The following SREBF2 variants were observed in gnomAD, a reference collection of about 807,000 sequenced individuals.
SREBF2 encodes sterol regulatory element binding transcription factor 2.
In SREBF2, 55 loss-of-function variants were observed where a neutral mutation model predicts 113.1. The observed-to-expected ratio is 0.49, with a 90% CI of 0.39 to 0.61. The LOEUF is 0.61. Ranked by LOEUF, SREBF2 falls within the 20% of genes least tolerant of loss-of-function variation. The probability of loss-of-function intolerance (pLI) is 0.00; values close to 1 mark genes in which losing one functional copy is unlikely to be tolerated. For missense variants in SREBF2, 1,349 were observed against 1,487.4 expected (o/e 0.91, Z 1.53); for synonymous variants, 593 against 605.7 (o/e 0.98, Z 0.31).
chr22:41,856,150 A>G (rs1251695290), intron 1 of SREBF2, among the ~76,000 whole-genome samples: 3 of 151,672 alleles, frequency 2.0e-5, no homozygotes, highest in African/African-American at 4.8e-5. Flanking sequence ...TTCTTGAGAC[A>G]TGGTCTTGGT....
chr22:41,893,268 G>A lies in SREBF2; in HGVS notation c.2360G>A (p.Cys787Tyr), dbSNP rs201758896. ...VKSAAKESLY[C>Y]AQRNPADPIA... ...TCAGCTGCCAAGGAGAGTCTATACT[G>A]TGCCCAGAGGAACCCAGGTGAGAAT... Residue 787 changes from cysteine (C) to tyrosine (Y), a missense_variant, in exon 12 of 19, where the codon TGT becomes TAT. Around this residue, in one of 2 missense-constraint regions of SREBF2, gnomAD observed 650 missense variants for 644.1 expected, o/e 1.01. Coordinates refer to ENST00000361204, the MANE Select transcript of SREBF2 (RefSeq NM_004599.4). 5.0e-6 allele frequency: 8 copies of A among 1,614,078 alleles called. No individual in the cohort carries two copies. The highest frequency in any genetic ancestry group is 1.7e-5 in the Admixed American group (1 of 60,006).
chr22:41,872,881 A>C lies in SREBF2; in HGVS notation c.868-917A>C, dbSNP rs557611983. Among the ~76,000 whole-genome samples the C allele has an allele frequency of 1.2e-3, 179 of 149,472 alleles. 1 individual carries two copies. Among genetic ancestry groups the C allele is most frequent in the Non-Finnish European group, 1.6e-3 (105 of 67,622 alleles). On this transcript the variant is annotated intron_variant, in intron 4 of 18. Coordinates refer to ENST00000361204, the MANE Select transcript of SREBF2 (RefSeq NM_004599.4). ...ACTCCAGCTTTTGGGCAACAGAGTGAGACTTTGTCTCAAAAAAAAAAACAA... is the reference window on the plus strand; with the variant it reads ...ACTCCAGCTTTTGGGCAACAGAGTGCGACTTTGTCTCAAAAAAAAAAACAA...
rs199550922 is a variant in SREBF2 at position 41,851,499 on chromosome 22, G to GTT, written c.89-15330_89-15329dup. On this transcript the variant is annotated intron_variant, in intron 1 of 18. Coordinates refer to ENST00000361204, the MANE Select transcript of SREBF2 (RefSeq NM_004599.4). ...CTTCTTTTAGTCTTTTTGTTTGTTT[G>GTT]TTTGTTTTTTTGAGATGAAGTCTTG... 1.5e-3 allele frequency among the ~76,000 whole-genome samples: 225 copies of GTT among 149,304 alleles called. 1 individual carries two copies. Among genetic ancestry groups the GTT allele is most frequent in the Middle Eastern group, 3.5e-3 (1 of 288 alleles).
chr22:41,854,908 T>C (rs189327012), intron 1 of SREBF2, among the ~76,000 whole-genome samples: 7 of 151,926 alleles, frequency 4.6e-5, no homozygotes, highest in African/African-American at 1.7e-4. Flanking sequence ...AATTTATTTA[T>C]TTAGTGACCT....
intron 2 of SREBF2, among the ~76,000 whole-genome samples, chr22:41,867,848 G>A (rs1367916016): frequency 6.6e-6 from 1 of 152,060 alleles, no homozygotes; most frequent in Non-Finnish European, 1.5e-5. Context: ...GTAGACACAG[G>A]GCCATTCTGA....
intron 9 of SREBF2, among the ~76,000 whole-genome samples, chr22:41,879,864 T>C (rs2077229230): frequency 2.6e-5 from 4 of 152,150 alleles, no homozygotes; most frequent in Admixed American, 2.6e-4. Flanking sequence ...AAAGATTAGT[T>C]CATCTGAATC....
intron 5 of SREBF2, 139 bp downstream of exon 5, chr22:41,874,158 T>A: frequency 1.2e-6 from 1 of 838,150 alleles, no homozygotes; most frequent in Non-Finnish European, 2.0e-6. Context: ...TTAAAGCATC[T>A]TGGTGTCATG....
intron 4 of SREBF2, among the ~76,000 whole-genome samples, chr22:41,873,128 CAG>C (rs776338839): frequency 2.7e-5 from 4 of 150,462 alleles, no homozygotes; most frequent in Non-Finnish European, 5.9e-5. Context: ...AGCTGGGAGG[CAG>C]AGTTTGTGGT....
At chr22:41,854,382 G>A (rs956453713) in intron 1 of SREBF2, among the ~76,000 whole-genome samples, 2 of 150,536 alleles carry the variant, frequency 1.3e-5, no homozygotes, top group African/African-American at 4.9e-5. Flanking sequence ...GGCTAGTCTC[G>A]AACTCCTGAC....
intron 10 of SREBF2, among the ~76,000 whole-genome samples, chr22:41,883,082 A>C (rs534083999): frequency 1.1e-4 from 16 of 152,246 alleles, no homozygotes; most frequent in Admixed American, 2.0e-4. Flanking sequence ...CTGCACATGC[A>C]TGCAGAGATG....
chr22:41,869,946 C>A (rs966586095), intron 3 of SREBF2, among the ~76,000 whole-genome samples: 2 of 151,338 alleles, frequency 1.3e-5, no homozygotes, highest in Admixed American at 6.6e-5. Context: ...ACCTCAGCCT[C>A]CTGGGTTCAA....
rs1218352386 is a variant in SREBF2, at chr22:41,906,005, TCA to T, written c.*346_*347del. On this transcript the variant is annotated 3_prime_UTR_variant, in exon 19 of 19. Transcript: ENST00000361204. ...ACCCTACTCTCTCCTTTTTGCTTCC[TCA>T]GTTTTTATCAGGCTTTCTCTGGGGG... 1.9e-6 allele frequency: 1 copy of T among 514,040 alleles called. No individual in the cohort carries two copies. The highest frequency in any genetic ancestry group is 5.2e-5 in the East Asian group (1 of 19,242). The allele number at this position is 514,040 out of a possible 1,614,324, so 31.8% of individuals were successfully genotyped here. A position where few individuals can be genotyped will look rare whatever the true frequency, so the allele number is the denominator to read the frequency against.
At chr22:41,894,997 C>A in intron 13 of SREBF2, 60 bp downstream of exon 13, 1 of 1,366,884 alleles carries the variant, frequency 7.3e-7, no homozygotes, top group Non-Finnish European at 1.0e-6. Flanking sequence ...AACTCCAGGA[C>A]AGCCTGAAGG....
At chr22:41,899,549 G>A in intron 15 of SREBF2, 1 of 992,806 alleles carries the variant, frequency 1.0e-6, no homozygotes, top group Non-Finnish European at 1.2e-6. Flanking sequence ...AAGGAGCTGA[G>A]AAGAGTGAGT....
In SREBF2 at chr22:41,873,834, A is replaced by G. The variant is rs150282275; in HGVS notation, c.904A>G (p.Met302Val). Residue 302 changes from methionine (M) to valine (V), a missense_variant, in exon 5 of 19, where the codon ATG (methionine) becomes GTG (valine). Physicochemically the swap from Met to Val is conservative, Grantham distance 21. Coordinates refer to ENST00000361204, the MANE Select transcript of SREBF2 (RefSeq NM_004599.4). ...CAGCAGTGGGACCATTCTGACCACA[A>G]TGCCTGTAATGATGGGGCAAGAGAA... ...VGSSGTILTTMPVMMGQEKVP... is the reference protein window; with the variant it reads ...VGSSGTILTTVPVMMGQEKVP... 1.9e-6 allele frequency: 3 copies of G among 1,612,166 alleles called. No homozygotes were observed. The highest frequency in any genetic ancestry group is 2.5e-6 in the Non-Finnish European group (3 of 1,179,168).
chr22:41,833,299 T>C lies in SREBF2; in HGVS notation c.29T>C (p.Leu10Pro). 2 of 1,342,844 alleles carry C rather than the reference T, an allele frequency of 1.5e-6. No homozygotes were observed. The highest frequency in any genetic ancestry group is 1.9e-6 in the Non-Finnish European group (2 of 1,025,870). The allele number at this position is 1,342,844 out of a possible 1,614,324, so 83.2% of individuals were successfully genotyped here. ...GACGACAGCGGCGAGCTGGGTGGTCTGGAGACCATGGAGACCCTCACGGAG... is the reference window on the plus strand; with the variant it reads ...GACGACAGCGGCGAGCTGGGTGGTCCGGAGACCATGGAGACCCTCACGGAG... Reference protein sequence around the residue: MDDSGELGGLETMETLTELG... With the variant: MDDSGELGGPETMETLTELG... The change falls in exon 1 of 19, where the codon CTG becomes CCG. Residue 10 changes from leucine (L) to proline (P), a missense_variant. Physicochemically the swap from Leu to Pro is moderately conservative, Grantham distance 98. Around this residue, in one of 2 missense-constraint regions of SREBF2, gnomAD observed 699 missense variants for 843.3 expected, o/e 0.83. Coordinates refer to ENST00000361204, the MANE Select transcript of SREBF2 (RefSeq NM_004599.4). This position sits in a 1 kb window ranked among gnomAD's most constrained non-coding sequence, Gnocchi z 4.1.
chr22:41,895,829 G>A (rs897053625), intron 13 of SREBF2, among the ~76,000 whole-genome samples: 7 of 152,142 alleles, frequency 4.6e-5, no homozygotes, highest in Admixed American at 2.6e-4. Context: ...TTTGGGGTAG[G>A]GAGCAGGGGC....
intron 9 of SREBF2, 23 bp downstream of exon 9, chr22:41,878,146 C>T: frequency 1.2e-6 from 2 of 1,612,824 alleles, no homozygotes; most frequent in Non-Finnish European, 1.7e-6. Flanking sequence ...TCCGCCCTTC[C>T]CCATCCTCCC....
At chr22:41,850,329 G>C (rs1348540372) in intron 1 of SREBF2, among the ~76,000 whole-genome samples, 1 of 151,500 alleles carries the variant, frequency 6.6e-6, no homozygotes, top group Non-Finnish European at 1.5e-5. Context: ...GGCACCTGTA[G>C]TCCCAGCTAC....
Sources: allele counts gnomAD v4.1 joint callset (sites outside exome capture counted in the v4.1 genomes callset), GRCh38; gene constraint gnomAD v4.1.1; regional missense constraint gnomAD v4.1.1; non-coding constraint Gnocchi (gnomAD v3.1); transcripts MANE v1.5; gene names NCBI Gene and HGNC (gene_info 2026-07-23, HGNC 2026-07-21).